HOPX: variants seen among roughly 807,000 people sequenced by gnomAD.
HOPX encodes homeodomain-only protein.
A neutral mutation model predicts 11.8 loss-of-function variants in HOPX; 5 were observed. The observed-to-expected ratio is 0.43, with a 90% CI of 0.22 to 0.89. The LOEUF is 0.89. HOPX is among the 40% of genes least tolerant of loss of function. HOPX has a pLI of 0.28. For missense variants in HOPX, 119 were observed against 120.0 expected, an observed-to-expected ratio of 0.99 and a Z score of 0.04; for synonymous variants, 49 against 49.7, an observed-to-expected ratio of 0.99 and a Z score of 0.06.
At position 56,657,667 on chromosome 4, in the gene HOPX, AG is replaced by A. The variant is rs1369867030; in HGVS notation, c.42+107del. On this transcript the variant is annotated intron_variant, in intron 2 of 3. Coordinates refer to ENST00000420433, the MANE Select transcript of HOPX (RefSeq NM_032495.6). ...TAGCACTGATTCCTGTCACGGTGCT[AG>A]GCAGGAGAGGGTCATACCAGGTCAG... is the stretch of plus-strand genomic sequence containing the variant. The A allele has an allele frequency of 4.3e-5, 31 of 716,294 alleles. No homozygotes were observed. The African/African-American group carries it at 4.9e-4, about 11-fold the overall frequency. 44.4% of individuals were successfully genotyped at this position (716,294 alleles called of 1,614,324 possible).
intron 3 of HOPX, chr4:56,649,941 G>A (rs971486961): frequency 7.9e-5 from 12 of 152,282 alleles, no homozygotes; most frequent in African/African-American, 2.2e-4. Flanking sequence ...CTACATTGGA[G>A]AGGATGAGGA....
At chr4:56,650,753 T>C (rs1244433499) in intron 3 of HOPX, 1 of 1,551,116 alleles carries the variant, frequency 6.4e-7, no homozygotes, top group Non-Finnish European at 8.7e-7. Flanking sequence ...GGGGGTAGCC[T>C]TCTCTTTGGG....
chr4:56,660,030 T>A (rs575715523), intron 1 of HOPX, among the ~76,000 whole-genome samples: 37 of 152,320 alleles, frequency 2.4e-4, no homozygotes, highest in Middle Eastern at 3.4e-3. Flanking sequence ...TAAAACCCTT[T>A]TAAAAACTTT....
At chr4:56,657,487 ATAAG>A (rs899937993) in intron 2 of HOPX, among the ~76,000 whole-genome samples, 2 of 152,154 alleles carry the variant, frequency 1.3e-5, no homozygotes, top group African/African-American at 4.8e-5. Flanking sequence ...TACTTCCTAA[ATAAG>A]TGTCTTTACC....
At chr4:56,655,759 C>A in intron 3 of HOPX, 98 bp downstream of exon 3, 17 of 1,367,940 alleles carry the variant, frequency 1.2e-5, no homozygotes, top group Non-Finnish European at 1.7e-5. Flanking sequence ...ATGGGGAGGG[C>A]AGCCCGGCGG....
chr4:56,675,787 C>G lies in HOPX; in HGVS notation c.-84+5468G>C, dbSNP rs1053690893. On this transcript the variant is annotated intron_variant, in intron 1 of 3. Coordinates refer to ENST00000420433, the MANE Select transcript of HOPX (RefSeq NM_032495.6). Reference sequence around the variant, plus strand: ...ATTTGCAGCATCAGGCTTGCTGCCCCTCTATCAAACCTGTTCCCCTGTTCC... The same window carrying G: ...ATTTGCAGCATCAGGCTTGCTGCCCGTCTATCAAACCTGTTCCCCTGTTCC... 1.4e-4 allele frequency among the ~76,000 whole-genome samples: 22 copies of G among 151,740 alleles called. 1 individual carries two copies. The highest frequency in any genetic ancestry group is 5.4e-4 in the African/African-American group (22 of 40,980).
At chr4:56,654,841 T>G (rs1717521940) in intron 3 of HOPX, among the ~76,000 whole-genome samples, 1 of 152,156 alleles carries the variant, frequency 6.6e-6, no homozygotes, top group African/African-American at 2.4e-5. Context: ...GGAAAAATAA[T>G]GTCTCTGCTT....
intron 1 of HOPX, chr4:56,680,108 G>A (rs1719250421): frequency 6.6e-6 from 1 of 152,048 alleles, no homozygotes; most frequent in Non-Finnish European, 1.5e-5. Flanking sequence ...TTCCTCAGTC[G>A]GCAGCTTCAG....
At chr4:56,665,708 G>C (rs1005368349) in intron 1 of HOPX, 1 of 152,152 alleles carries the variant, frequency 6.6e-6, no homozygotes, top group Admixed American at 6.5e-5. Flanking sequence ...TTTATCATCA[G>C]AGGAGCAGCA....
At chr4:56,667,938 AT>A (rs1718527525) in intron 1 of HOPX, among the ~76,000 whole-genome samples, 3 of 149,232 alleles carry the variant, frequency 2.0e-5, no homozygotes, top group Non-Finnish European at 4.5e-5. Flanking sequence ...ATTATTAATA[AT>A]TTCAAGATGG....
intron 1 of HOPX, among the ~76,000 whole-genome samples, chr4:56,661,304 C>T (rs954873896): frequency 6.6e-6 from 1 of 152,138 alleles, no homozygotes; most frequent in Non-Finnish European, 1.5e-5. Context: ...ATATTCAATG[C>T]TGTTTTTATT....
At chr4:56,667,388 C>T (rs530358276) in intron 1 of HOPX, among the ~76,000 whole-genome samples, 1 of 152,230 alleles carries the variant, frequency 6.6e-6, no homozygotes, top group East Asian at 1.9e-4. Context: ...TTTGAAAAGC[C>T]CTGAGTGCAT....
At chr4:56,648,947 C>T in intron 3 of HOPX, 150 bp from the exon 4 acceptor site, 1 of 569,970 alleles carries the variant, frequency 1.8e-6, no homozygotes, top group Non-Finnish European at 3.2e-6. Context: ...TGACACTAAA[C>T]TTTCCTGCCT....
intron 3 of HOPX, among the ~76,000 whole-genome samples, chr4:56,654,931 C>T (rs6850203): frequency 0.093 from 14,162 of 152,204 alleles, 679 homozygotes; most frequent in East Asian, 0.14. Flanking sequence ...GTCTATCATG[C>T]AAAAGGATTG....
At chr4:56,657,957 T>G (rs1351329593) in intron 1 of HOPX, 58 bp from the exon 2 acceptor site, 12 of 1,496,764 alleles carry the variant, frequency 8.0e-6, no homozygotes, top group Non-Finnish European at 1.1e-5. Flanking sequence ...TCATTGCCAT[T>G]TTGAATGGGC....
At chr4:56,663,558 T>A (rs1578347387) in intron 1 of HOPX, 1 of 152,324 alleles carries the variant, frequency 6.6e-6, no homozygotes, top group African/African-American at 2.4e-5. Flanking sequence ...CAATCTCAGT[T>A]TGCTGCAACC....
Position 56,648,726 on chromosome 4 carries a change from T to C in HOPX, c.270A>G (p.Thr90=), listed in dbSNP as rs1716882441. 6.2e-7 allele frequency: 1 copy of C among 1,606,980 alleles called. No individual in the cohort carries two copies. Among genetic ancestry groups the C allele is most frequent in the Non-Finnish European group, 8.5e-7 (1 of 1,174,024 alleles). The change falls in exon 4 of 4, where the codon ACA becomes ACG. Residue 90 remains threonine, a synonymous_variant. Transcript: ENST00000420433. The part of the protein sequence containing the change: ...EGLPSECRSV[T]D ...GTCAATGCCTGCCATCTCCTTAGTC[T>C]GTGACGGATCTGCACTCTGAGGGCA...
intron 1 of HOPX, among the ~76,000 whole-genome samples, chr4:56,670,816 G>A (rs1477490385): frequency 1.3e-5 from 2 of 152,118 alleles, no homozygotes; most frequent in Non-Finnish European, 2.9e-5. Context: ...GACCAACATG[G>A]TGAAACCCTG....
At chr4:56,660,793 TTAAA>T (rs1319222754) in intron 1 of HOPX, among the ~76,000 whole-genome samples, 1 of 152,142 alleles carries the variant, frequency 6.6e-6, no homozygotes, top group African/African-American at 2.4e-5. Context: ...GAAGCATAAA[TTAAA>T]TAAACACTGG....
Sources: gnomAD v4.1 joint callset for allele counts (sites outside exome capture counted in the v4.1 genomes callset) on GRCh38, gnomAD v4.1.1 for gene constraint, MANE v1.5 for transcripts, NCBI Gene and HGNC (gene_info 2026-07-23, HGNC 2026-07-21) for gene names.